Variants in NCF2 observed in about 807,000 individuals in gnomAD.
The protein encoded by NCF2 is neutrophil cytosolic factor 2, also known as neutrophil cytosol factor 2.
A neutral mutation model predicts 70.9 loss-of-function variants in NCF2; 45 were observed. The observed-to-expected ratio is 0.63, with a 90% confidence interval of 0.50 to 0.81. The LOEUF is 0.81. Ranked by LOEUF, NCF2 falls within the 40% of genes least tolerant of loss-of-function variation. The pLI, the probability that NCF2 is intolerant of heterozygous loss-of-function variation, is 0.00. For missense variants in NCF2, 522 were observed against 631.6 expected (o/e 0.83, Z 1.86); for synonymous variants, 203 against 233.6 (o/e 0.87, Z 1.19).
upstream of NCF2, among the ~76,000 whole-genome samples, chr1:183,594,828 AT>A (rs1673740223): frequency 6.6e-6 from 1 of 152,204 alleles, no homozygotes; most frequent in South Asian, 2.1e-4. Context: ...TAAAATCAAA[AT>A]AAAACTCATT....
chr1:183,580,421 G>A (rs540934675), intron 2 of NCF2, among the ~76,000 whole-genome samples: 36 of 152,132 alleles, frequency 2.4e-4, no homozygotes, highest in Non-Finnish European at 4.7e-4. Flanking sequence ...CTCTTCCATC[G>A]CGAAGAGGAC....
the NCF2 span, among the ~76,000 whole-genome samples, chr1:183,599,423 C>CTTCCTTCTTTCTTTCTTTCTTTCT: frequency 1.4e-3 from 150 of 107,510 alleles, 1 homozygote; most frequent in African/African-American, 5.4e-3. Flanking sequence ...TCTTTCTTTC[C>CTTCCTTCTTTCTTTCTTTCTTTCT]TTCTTTCTTT....
Position 183,556,159 on chromosome 1 carries a change from A to C in NCF2, c.1540T>G (p.Cys514Gly). 6.2e-7 allele frequency: 1 copy of C among 1,614,206 alleles called. No homozygotes were observed. Among genetic ancestry groups the C allele is most frequent in the African/African-American group, 1.3e-5 (1 of 75,068 alleles). ...GTGCTTTCCAAATCTGTAGTTGCGC[A>C]GTCTTCAACAAAAACTTTGGGGAAA... ...GIFPKVFVEDCATTDLESTRR... is the reference protein window; with the variant it reads ...GIFPKVFVEDGATTDLESTRR... Residue 514 changes from cysteine (C) to glycine (G), a missense_variant, in exon 15 of 15, where the codon TGC (cysteine) becomes GGC (glycine). Physicochemically the swap from Cys to Gly is radical, Grantham distance 159. Transcript: ENST00000367535.
At chr1:183,592,974 G>T (rs1163431539), upstream of NCF2, among the ~76,000 whole-genome samples, 2 of 152,068 alleles carry the variant, frequency 1.3e-5, no homozygotes, top group Non-Finnish European at 2.9e-5. Flanking sequence ...GCCTTCGAAG[G>T]CCTGCTAAAA....
At chr1:183,583,178 A>G (rs922189985) in intron 2 of NCF2, among the ~76,000 whole-genome samples, 5 of 152,046 alleles carry the variant, frequency 3.3e-5, no homozygotes, top group African/African-American at 4.8e-5. Flanking sequence ...TCAGCGTCCC[A>G]AGTAGCTGGG....
intron 13 of NCF2, among the ~76,000 whole-genome samples, chr1:183,560,967 C>CCAT (rs1194801068): frequency 6.6e-6 from 1 of 152,210 alleles, no homozygotes; most frequent in Non-Finnish European, 1.5e-5. Context: ...ACTTTCAACT[C>CCAT]CATCCCAAAA....
chr1:183,586,799 T>C, intron 2 of NCF2, 96 bp downstream of exon 2: 1 of 1,085,582 alleles, frequency 9.2e-7, no homozygotes, highest in Non-Finnish European at 1.4e-6. Context: ...CCAACAGAGG[T>C]TGGGAAGGTA....
At chr1:183,578,059 C>T (rs764838698) in intron 2 of NCF2, among the ~76,000 whole-genome samples, 72 of 152,316 alleles carry the variant, frequency 4.7e-4, no homozygotes, top group Non-Finnish European at 1.0e-3. Flanking sequence ...CAAGCAGAGC[C>T]AGCACCTGCC....
At position 183,581,874 on chromosome 1, in the gene NCF2, A is replaced by T. The variant is rs555999377; in HGVS notation, c.258-4167T>A. 4.3e-4 allele frequency among the ~76,000 whole-genome samples: 66 copies of T among 152,182 alleles called. 4 individuals are homozygous for T. The highest frequency in any genetic ancestry group is 4.1e-3 in the Admixed American group (62 of 15,294). ...AGTAGAGCCAGGGTTTCACCGTGTT[A>T]GCCAGGATGGTCTCGATCTCCTTAC... is the stretch of plus-strand genomic sequence containing the variant. On this transcript the variant is annotated intron_variant, in intron 2 of 14. Transcript: ENST00000367535.
intron 2 of NCF2, among the ~76,000 whole-genome samples, chr1:183,585,468 T>C (rs189763283): frequency 6.3e-4 from 95 of 151,818 alleles, no homozygotes; most frequent in African/African-American, 2.2e-3. Context: ...TACTGAAAAA[T>C]ACACAAATTA....
At position 183,574,503 on chromosome 1, in the gene NCF2, G is replaced by A. The variant is rs376994104; in HGVS notation, c.485C>T (p.Ala162Val). The A allele has an allele frequency of 5.0e-6, 8 of 1,614,022 alleles. No homozygotes were observed. Among genetic ancestry groups the A allele is most frequent in the African/African-American group, 1.3e-5 (1 of 74,912 alleles). ...SEPRHSKIDK[A>V]MECVWKQKLY... is the part of the protein sequence containing the mutation. ...TACGCTTACCCAGACACACTCCATCGCCTTGTCGATTTTGGAATGTCTGGG... is the reference window on the plus strand; with the variant it reads ...TACGCTTACCCAGACACACTCCATCACCTTGTCGATTTTGGAATGTCTGGG... The change falls in exon 4 of 15, where the codon GCG (alanine) becomes GTG (valine). Residue 162 changes from alanine to valine, a missense_variant. Physicochemically the swap from Ala to Val is moderately conservative, Grantham distance 64. Transcript: ENST00000367535.
chr1:183,585,315 C>T (rs777211162), intron 2 of NCF2, among the ~76,000 whole-genome samples: 1 of 152,066 alleles, frequency 6.6e-6, no homozygotes, highest in Non-Finnish European at 1.5e-5. Flanking sequence ...ATGCACAGAT[C>T]ATTTTCACTG....
At chr1:183,587,181 G>A (rs1673394729) in intron 1 of NCF2, among the ~76,000 whole-genome samples, 2 of 152,210 alleles carry the variant, frequency 1.3e-5, no homozygotes. Flanking sequence ...ACAATGGTGT[G>A]CATTCCTTGT....
At chr1:183,566,845 C>G in intron 9 of NCF2, 75 bp downstream of exon 9, 2 of 1,582,424 alleles carry the variant, frequency 1.3e-6, no homozygotes, top group Non-Finnish European at 1.7e-6. Context: ...ACCTCTTTTA[C>G]ACTGCTTTTC....
intron 2 of NCF2, among the ~76,000 whole-genome samples, 195 bp downstream of exon 2, chr1:183,586,700 G>A (rs1673368042): frequency 6.6e-6 from 1 of 152,110 alleles, no homozygotes; most frequent in African/African-American, 2.4e-5. Flanking sequence ...ATAATCTGGT[G>A]GCAGACCTGC....
rs1672158842 is a variant in NCF2, at chr1:183,563,343, ACAT to A, written c.1179-40_1179-38del. ...TAATGAGTAAGAATCCAGTCAAAGA[ACAT>A]CATCACAAAAACCATCCTCCTCTTC... On this transcript the variant is annotated intron_variant, in intron 12 of 14. Coordinates refer to ENST00000367535, the MANE Select transcript of NCF2 (RefSeq NM_000433.4). The A allele has an allele frequency of 3.7e-6, 6 of 1,613,776 alleles. No individual in the cohort carries two copies. The African/African-American group carries it at 5.3e-5, about 14-fold the overall frequency.
intron 10 of NCF2, among the ~76,000 whole-genome samples, chr1:183,564,279 C>CT (rs952808005): frequency 6.6e-6 from 1 of 151,924 alleles, no homozygotes; most frequent in African/African-American, 2.4e-5. Context: ...ACCAAAGGAC[C>CT]AGCATATCCT....
intron 3 of NCF2, among the ~76,000 whole-genome samples, chr1:183,575,512 C>T (rs2102908061): frequency 6.6e-6 from 1 of 152,240 alleles, no homozygotes; most frequent in Non-Finnish European, 1.5e-5. Context: ...TCTTGAGTGT[C>T]TATTTTACTA....
chr1:183,571,374 C>T (rs1672556759), intron 5 of NCF2, among the ~76,000 whole-genome samples: 2 of 152,132 alleles, frequency 1.3e-5, no homozygotes, highest in Non-Finnish European at 2.9e-5. Flanking sequence ...CATCCAGCCT[C>T]CCAAAGTGCT....
Sources: allele counts gnomAD v4.1 joint callset (sites outside exome capture counted in the v4.1 genomes callset), GRCh38; gene constraint gnomAD v4.1.1; transcripts MANE v1.5; gene names NCBI Gene and HGNC (gene_info 2026-07-23, HGNC 2026-07-21).